The following IL31RA variants were observed in gnomAD, a reference collection of about 807,000 sequenced individuals.
IL31RA encodes interleukin-31 receptor subunit alpha.
A neutral mutation model predicts 83.7 loss-of-function variants in IL31RA; 66 were observed. That is an observed-to-expected ratio of 0.79 (90% confidence interval 0.65 to 0.97). The LOEUF (loss-of-function observed/expected upper bound fraction) is 0.97, where lower values mean the gene tolerates loss of function less well. Ranked by LOEUF, IL31RA falls within the 50% of genes least tolerant of loss-of-function variation. The probability of loss-of-function intolerance (pLI) is 0.00; values close to 1 mark genes in which losing one functional copy is unlikely to be tolerated. For missense variants in IL31RA, 798 were observed against 919.4 expected, an observed-to-expected ratio of 0.87 and a Z score of 1.71; for synonymous variants, 325 against 329.0, an observed-to-expected ratio of 0.99 and a Z score of 0.13.
In IL31RA at chr5:55,917,161, T is replaced by C; in HGVS notation, c.*41T>C. On this transcript the variant is annotated 3_prime_UTR_variant, in exon 15 of 15. Coordinates refer to ENST00000652347, the MANE Select transcript of IL31RA (RefSeq NM_139017.7). ...GAGACCCTCGGGGCCTCAGTGTGGA[T>C]GGCCCTTGCCAGAGAAGATGTCAAG... 6.2e-7 allele frequency: 1 copy of C among 1,613,102 alleles called. No homozygotes were observed. Among genetic ancestry groups the C allele is most frequent in the Non-Finnish European group, 8.5e-7 (1 of 1,180,024 alleles).
intron 8 of IL31RA, among the ~76,000 whole-genome samples, chr5:55,905,422 C>T (rs1749087688): frequency 6.6e-6 from 1 of 152,152 alleles, no homozygotes; most frequent in Admixed American, 6.5e-5. Context: ...AGTAAGATCT[C>T]TGTCTGATTC....
At chr5:55,891,761 A>ATTGTTTTT (rs1748010700) in intron 6 of IL31RA, among the ~76,000 whole-genome samples, 1 of 59,994 alleles carries the variant, frequency 1.7e-5, no homozygotes, top group Non-Finnish European at 2.9e-5. Flanking sequence ...TTTGGACAAG[A>ATTGTTTTT]TTTTTTTTTT....
intron 4 of IL31RA, among the ~76,000 whole-genome samples, chr5:55,873,559 A>G (rs374750802): frequency 6.6e-6 from 1 of 152,018 alleles, no homozygotes; most frequent in East Asian, 1.9e-4. Context: ...CCTCACCAAC[A>G]CTTGTTATTG....
intron 3 of IL31RA, among the ~76,000 whole-genome samples, chr5:55,871,492 G>A (rs369967694): frequency 1.1e-4 from 16 of 152,030 alleles, no homozygotes; most frequent in African/African-American, 3.9e-4. Context: ...CCACTAATAT[G>A]TGTATTTGTT....
At position 55,908,359 on chromosome 5, in the gene IL31RA, T is replaced by C; in HGVS notation, c.1449T>C (p.Gly483=). 2 of 1,613,768 alleles carry C rather than the reference T, an allele frequency of 1.2e-6. No individual in the cohort carries two copies. The highest frequency in any genetic ancestry group is 1.7e-6 in the Non-Finnish European group (2 of 1,179,958). The change falls in exon 11 of 15, where the codon GGT becomes GGC. Residue 483 remains glycine, a synonymous_variant. Transcript: ENST00000652347. ...WKEIPKSERK[G]IICNYTIFYQ... Reference sequence around the variant, plus strand: ...AGATTCCCAAGAGTGAGAGAAAGGGTATCATCTGCAACTACACCATCTTTT... The same window carrying C: ...AGATTCCCAAGAGTGAGAGAAAGGGCATCATCTGCAACTACACCATCTTTT...
chr5:55,868,205 C>T (rs1746304833), intron 2 of IL31RA, among the ~76,000 whole-genome samples: 1 of 152,020 alleles, frequency 6.6e-6, no homozygotes. Context: ...ACCCATGGAC[C>T]CCTTAAAGAT....
intron 14 of IL31RA, among the ~76,000 whole-genome samples, chr5:55,915,178 A>T (rs1426412652): frequency 1.3e-5 from 2 of 152,206 alleles, no homozygotes; most frequent in Non-Finnish European, 2.9e-5. Flanking sequence ...CCCAGGTGGA[A>T]CTGGTCCCAT....
At chr5:55,901,548 T>A (rs547044830) in intron 8 of IL31RA, among the ~76,000 whole-genome samples, 24 of 151,812 alleles carry the variant, frequency 1.6e-4, no homozygotes, top group Non-Finnish European at 3.4e-4. Context: ...AGATCATGTA[T>A]GTAAAATGCT....
intron 1 of IL31RA, among the ~76,000 whole-genome samples, chr5:55,856,188 C>T (rs1432202800): frequency 2.6e-5 from 4 of 152,162 alleles, no homozygotes; most frequent in East Asian, 1.9e-4. Flanking sequence ...TGAGCCACCA[C>T]GCCTGGCCAA....
At position 55,921,854 on chromosome 5, in the gene IL31RA, C is replaced by A. The variant is rs1171460912; in HGVS notation, c.*4734C>A. Reference sequence around the variant, plus strand: ...GCTGAGTTGCTAGAAATAAGAGGGACTCAGTAGGCCCTTAGCACAGCGGGT... The same window carrying A: ...GCTGAGTTGCTAGAAATAAGAGGGAATCAGTAGGCCCTTAGCACAGCGGGT... On this transcript the variant is annotated 3_prime_UTR_variant, in exon 15 of 15. Transcript: ENST00000652347. 6.6e-6 allele frequency among the ~76,000 whole-genome samples: 1 copy of A among 152,166 alleles called. No homozygotes were observed. The highest frequency in any genetic ancestry group is 1.5e-5 in the Non-Finnish European group (1 of 68,038).
intron 4 of IL31RA, among the ~76,000 whole-genome samples, chr5:55,882,442 C>T (rs547236291): frequency 2.6e-5 from 4 of 151,864 alleles, no homozygotes; most frequent in Admixed American, 6.5e-5. Context: ...ATACGGAAAA[C>T]GGCTGAAAGG....
At chr5:55,890,908 C>T (rs1295514794) in intron 6 of IL31RA, among the ~76,000 whole-genome samples, 1 of 152,204 alleles carries the variant, frequency 6.6e-6, no homozygotes, top group Non-Finnish European at 1.5e-5. Flanking sequence ...AATCCCAAGC[C>T]AGGTGTCTTT....
chr5:55,916,380 CA>C (rs35984249), intron 14 of IL31RA, among the ~76,000 whole-genome samples: 123 of 144,768 alleles, frequency 8.5e-4, no homozygotes, highest in Middle Eastern at 7.1e-3. Flanking sequence ...GACCCTGTCT[CA>C]AAAAAAAAAA....
In IL31RA at chr5:55,910,526, C is replaced by G. The variant is rs774972870; in HGVS notation, c.1502-6C>G. 1 of 1,614,062 alleles carries G rather than the reference C, an allele frequency of 6.2e-7. No individual in the cohort carries two copies. Among genetic ancestry groups the G allele is most frequent in the African/African-American group, 1.3e-5 (1 of 75,018 alleles). The stretch of plus-strand genomic sequence containing the variant: ...GTGGTGTTTGACCTTTGTATTTTTC[C>G]TTTAGCCAAGACAGTCAATTCCAGC... On this transcript the variant is annotated splice_polypyrimidine_tract_variant and splice_region_variant and intron_variant, in intron 11 of 14. Transcript: ENST00000652347.
At chr5:55,864,448 C>A (rs1167833730) in intron 2 of IL31RA, among the ~76,000 whole-genome samples, 1 of 148,466 alleles carries the variant, frequency 6.7e-6, no homozygotes, top group African/African-American at 2.5e-5. Flanking sequence ...ACACACACAC[C>A]ACACATACTG....
the IL31RA span, among the ~76,000 whole-genome samples, chr5:55,845,566 G>T: frequency 6.6e-6 from 1 of 152,136 alleles, no homozygotes; most frequent in East Asian, 1.9e-4. Context: ...CCCCCACGCT[G>T]TTCTCATGAT....
At chr5:55,896,913 C>G (rs1171362919) in intron 7 of IL31RA, among the ~76,000 whole-genome samples, 1 of 84,424 alleles carries the variant, frequency 1.2e-5, no homozygotes, top group Non-Finnish European at 2.3e-5. Flanking sequence ...AACTCCTGGG[C>G]TCAAGTGATC....
In IL31RA at chr5:55,903,591, C is replaced by T. The variant is rs1191845874; in HGVS notation, c.1070-2515C>T. On this transcript the variant is annotated intron_variant, in intron 8 of 14. Transcript: ENST00000652347. The surrounding 1 kb of genome is among the most constrained non-coding windows in gnomAD (Gnocchi z 4.7). ...GCCGGCGCCACGCCCCTGTGGTCTC[C>T]GCAGTCTCTGCAGTGCACTTGGCGC... is the stretch of plus-strand genomic sequence containing the variant. 1.3e-5 allele frequency among the ~76,000 whole-genome samples: 2 copies of T among 152,190 alleles called. No homozygotes were observed. Among genetic ancestry groups the T allele is most frequent in the African/African-American group, 2.4e-5 (1 of 41,452 alleles).
At chr5:55,905,669 G>C (rs537313743) in intron 8 of IL31RA, among the ~76,000 whole-genome samples, 2 of 152,290 alleles carry the variant, frequency 1.3e-5, no homozygotes, top group African/African-American at 4.8e-5. Context: ...AGACTATATA[G>C]TGAAAGCGTA....
Sources: allele counts gnomAD v4.1 joint callset (sites outside exome capture counted in the v4.1 genomes callset), GRCh38; gene constraint gnomAD v4.1.1; non-coding constraint Gnocchi (gnomAD v3.1); transcripts MANE v1.5; gene names NCBI Gene and HGNC (gene_info 2026-07-23, HGNC 2026-07-21).